Variants in SPDEF observed in about 807,000 individuals in gnomAD.
SPDEF encodes the protein SAM pointed domain-containing Ets transcription factor.
In SPDEF, 12 loss-of-function variants were observed where a neutral mutation model predicts 36.0. The ratio of observed to expected loss-of-function variants is 0.33; its 90% CI spans 0.21 to 0.54. The LOEUF (loss-of-function observed/expected upper bound fraction) is 0.54, where lower values mean the gene tolerates loss of function less well. SPDEF is among the 20% of genes least tolerant of loss of function. SPDEF has a pLI of 0.93. For synonymous variants in SPDEF, 205 were observed against 193.0 expected (o/e 1.06, Z -0.51); for missense variants, 388 against 456.9 (o/e 0.85, Z 1.37).
chr6:34,541,341 C>G (rs1002439607), intron 2 of SPDEF, among the ~76,000 whole-genome samples, 160 bp from the exon 3 acceptor site: 1 of 152,108 alleles, frequency 6.6e-6, no homozygotes, highest in African/African-American at 2.4e-5. Context: ...GAAGTGGGTA[C>G]CCAAGAAGAG....
intron 1 of SPDEF, among the ~76,000 whole-genome samples, chr6:34,546,299 T>C (rs1318220602): frequency 1.3e-5 from 2 of 152,046 alleles, no homozygotes; most frequent in Non-Finnish European, 2.9e-5. Flanking sequence ...AACTGGCCAG[T>C]TGGGGGGAAG....
At position 34,538,561 on chromosome 6, in the gene SPDEF, G is replaced by A. The variant is rs1581994387; in HGVS notation, c.830-109C>T. The A allele has an allele frequency of 3.5e-6, 4 of 1,151,230 alleles. No individual in the cohort carries two copies. The highest frequency in any genetic ancestry group is 4.9e-6 in the Non-Finnish European group (4 of 813,124). 71.3% of individuals were successfully genotyped at this position (1,151,230 alleles called of 1,614,324 possible). ...GTGGCGAACCAAGGGACCCCGTGCA[G>A]AGGCCTCCCCCTGCTCGGGTGGGGC... On this transcript the variant is annotated intron_variant, in intron 5 of 5. Coordinates refer to ENST00000374037, the MANE Select transcript of SPDEF (RefSeq NM_012391.3). This position sits in a 1 kb window ranked among gnomAD's most constrained non-coding sequence, Gnocchi z 5.9.
intron 1 of SPDEF, among the ~76,000 whole-genome samples, chr6:34,550,707 TG>T (rs1768040786): frequency 7.0e-6 from 1 of 142,564 alleles, no homozygotes; most frequent in Non-Finnish European, 1.5e-5. Flanking sequence ...GCCCAGGAGC[TG>T]GGGTCTGTTG....
chr6:34,543,082 C>G (rs1481415253), intron 2 of SPDEF, among the ~76,000 whole-genome samples: 2 of 149,246 alleles, frequency 1.3e-5, no homozygotes, highest in Admixed American at 6.8e-5. Context: ...GTCCCAGCTA[C>G]TCGGGAGGCT....
At chr6:34,542,675 G>A (rs914880571) in intron 2 of SPDEF, among the ~76,000 whole-genome samples, 1 of 151,916 alleles carries the variant, frequency 6.6e-6, no homozygotes, top group African/African-American at 2.4e-5. Flanking sequence ...GATGACCTGA[G>A]GTCAGAAGTT....
Position 34,555,012 on chromosome 6 carries a change from T to G in SPDEF, c.-30+917A>C, listed in dbSNP as rs949265158. ...CTGCTGGGCGGCCCCAGCTGATAGG[T>G]GAGGTGAGGGATCTTGGCCTGCCCC... On this transcript the variant is annotated intron_variant, in intron 1 of 5. Transcript: ENST00000374037. The surrounding 1 kb of genome is among the most constrained non-coding windows in gnomAD (Gnocchi z 5.2). Among the ~76,000 whole-genome samples the G allele has an allele frequency of 3.3e-5, 5 of 151,914 alleles. No individual in the cohort carries two copies. Among genetic ancestry groups the G allele is most frequent in the Non-Finnish European group, 5.9e-5 (4 of 67,962 alleles).
At chr6:34,541,360 G>A (rs995584633) in intron 2 of SPDEF, among the ~76,000 whole-genome samples, 179 bp from the exon 3 acceptor site, 2 of 152,150 alleles carry the variant, frequency 1.3e-5, no homozygotes, top group Non-Finnish European at 2.9e-5. Flanking sequence ...AGAGTGGGGC[G>A]AGAGGAAGGA....
In SPDEF at chr6:34,544,864, C is replaced by A. The variant is rs1767918371; in HGVS notation, c.-29-380G>T. ...GCGGATGAGCAAACTGAGGTGGGAA[C>A]AAGGGGCCCTCAGTGTCCAAATCTT... On this transcript the variant is annotated intron_variant, in intron 1 of 5. Transcript: ENST00000374037. This position sits in a 1 kb window ranked among gnomAD's most constrained non-coding sequence, Gnocchi z 4.4. Among the ~76,000 whole-genome samples the A allele has an allele frequency of 6.6e-6, 1 of 152,220 alleles. No homozygotes were observed. Among genetic ancestry groups the A allele is most frequent in the South Asian group, 2.1e-4 (1 of 4,832 alleles).
In SPDEF at chr6:34,540,849, TG is replaced by T. The variant is rs1340388876; in HGVS notation, c.634+134del. On this transcript the variant is annotated intron_variant, in intron 3 of 5. Coordinates refer to ENST00000374037, the MANE Select transcript of SPDEF (RefSeq NM_012391.3). ...CCAGGATCCAGGAGGCAGCTGAAACTGGGGCTGAGATTCAGAGTGGAGTCCA... is the reference window on the plus strand; with the variant it reads ...CCAGGATCCAGGAGGCAGCTGAAACTGGGCTGAGATTCAGAGTGGAGTCCA... 3 of 799,980 alleles carry T rather than the reference TG, an allele frequency of 3.8e-6. No homozygotes were observed. In the East Asian group the frequency reaches 8.1e-5, roughly 22 times the overall value. The allele number at this position is 799,980 out of a possible 1,614,324, so 49.6% of individuals were successfully genotyped here. A position where few individuals can be genotyped will look rare whatever the true frequency, so the allele number is the denominator to read the frequency against.
Position 34,541,110 on chromosome 6 carries a change from G to A in SPDEF, c.508C>T (p.Pro170Ser), listed in dbSNP as rs539362144. The A allele has an allele frequency of 1.2e-6, 2 of 1,610,618 alleles. No homozygotes were observed. Among genetic ancestry groups the A allele is most frequent in the Non-Finnish European group, 1.7e-6 (2 of 1,178,862 alleles). The change falls in exon 3 of 6, where the codon CCC becomes TCC. Residue 170 changes from proline to serine, a missense_variant. Transcript: ENST00000374037. ...LWTEHQYRLP[P>S]MGKAFQELAG... ...AGCTCCTGGAAGGCCTTGCCCATGG[G>A]GGGCAGCCGGTATTGGTGCTCTGTC...
chr6:34,538,440 A>G lies in SPDEF; in HGVS notation c.842T>C (p.Ile281Thr), dbSNP rs1767741724. 6 of 1,613,140 alleles carry G rather than the reference A, an allele frequency of 3.7e-6. No homozygotes were observed. The East Asian group carries it at 8.9e-5, about 24-fold the overall frequency. Residue 281 changes from isoleucine to threonine, a missense_variant, in exon 6 of 6, where the codon ATT becomes ACT. Physicochemically the swap from Ile to Thr is moderately conservative, Grantham distance 89. Around this residue, in one of 2 missense-constraint regions of SPDEF, gnomAD observed 80 missense variants for 130.8 expected, o/e 0.61. Coordinates refer to ENST00000374037, the MANE Select transcript of SPDEF (RefSeq NM_012391.3). The surrounding 1 kb of genome is among the most constrained non-coding windows in gnomAD (Gnocchi z 5.9). ...WLNKEKGIFK[I>T]EDSAQVARLW... is the part of the protein sequence containing the mutation. ...CCGGGCCACCTGGGCTGAGTCCTCA[A>G]TTTTGAAGATGCCTAGAGCAGGAGG...
chr6:34,545,489 C>A (rs3778076), intron 1 of SPDEF, among the ~76,000 whole-genome samples: 12,790 of 152,324 alleles, frequency 0.084, 625 homozygotes, highest in African/African-American at 0.14. Context: ...TTTGCCCAGG[C>A]CCTTTTCCCT....
intron 1 of SPDEF, among the ~76,000 whole-genome samples, chr6:34,554,192 G>A (rs151251990): frequency 0.012 from 1,769 of 152,212 alleles, 12 homozygotes; most frequent in Non-Finnish European, 0.017. Context: ...AACTTCCCCG[G>A]GTTATACTCA....
Position 34,539,225 on chromosome 6 carries a change from A to C in SPDEF, c.829+25T>G. On this transcript the variant is annotated intron_variant, in intron 5 of 5. Coordinates refer to ENST00000374037, the MANE Select transcript of SPDEF (RefSeq NM_012391.3). The surrounding 1 kb of genome is among the most constrained non-coding windows in gnomAD (Gnocchi z 5.2). ...CAACCTCCATGCTCACTGGCCCTGC[A>C]GCGCCCCTTGGGCACCCTGCTCACC... is the stretch of plus-strand genomic sequence containing the variant. 1.2e-6 allele frequency: 2 copies of C among 1,612,262 alleles called. No homozygotes were observed. The highest frequency in any genetic ancestry group is 1.7e-6 in the Non-Finnish European group (2 of 1,179,198).
chr6:34,554,863 C>A (rs1409916848), intron 1 of SPDEF, among the ~76,000 whole-genome samples: 8 of 152,300 alleles, frequency 5.3e-5, no homozygotes, highest in African/African-American at 1.9e-4. Context: ...TGGGGAGATG[C>A]AGCTTTATTG....
At chr6:34,551,890 G>A (rs2127294010) in intron 1 of SPDEF, among the ~76,000 whole-genome samples, 1 of 152,310 alleles carries the variant, frequency 6.6e-6, no homozygotes, top group South Asian at 2.1e-4. Context: ...ACGGGGCGGG[G>A]ACAGAACCCA....
At chr6:34,553,412 C>T (rs1428696207) in intron 1 of SPDEF, among the ~76,000 whole-genome samples, 1 of 129,008 alleles carries the variant, frequency 7.8e-6, no homozygotes, top group Non-Finnish European at 1.7e-5. Context: ...CAGGGTGGGG[C>T]ATGAACGGGG....
chr6:34,539,548 C>G lies in SPDEF; in HGVS notation c.649G>C (p.Glu217Gln). The G allele has an allele frequency of 5.1e-6, 8 of 1,572,132 alleles. No homozygotes were observed. The highest frequency in any genetic ancestry group is 6.9e-6 in the Non-Finnish European group (8 of 1,159,384). Reference sequence around the variant, plus strand: ...TGAATCGCCCCAGGTGAAGTCCGCTCTTTCATCCAGGCCGCTGCAGGGCAA... The same window carrying G: ...TGAATCGCCCCAGGTGAAGTCCGCTGTTTCATCCAGGCCGCTGCAGGGCAA... ...DIWKSAAWMK[E>Q]RTSPGAIHYC... is the part of the protein sequence containing the mutation. Residue 217 changes from glutamate (E) to glutamine (Q), a missense_variant, in exon 4 of 6, where the codon GAG becomes CAG. By Grantham distance (29) the Glu-to-Gln change is conservative. Transcript: ENST00000374037. This position sits in a 1 kb window ranked among gnomAD's most constrained non-coding sequence, Gnocchi z 5.2.
chr6:34,543,679 ATGT>A (rs1767876499), intron 2 of SPDEF, among the ~76,000 whole-genome samples: 3 of 152,112 alleles, frequency 2.0e-5, no homozygotes, highest in Admixed American at 1.3e-4. Context: ...AGCGTAGCAA[ATGT>A]TGTGGGAACA....
Sources: gnomAD v4.1 joint callset for allele counts (sites outside exome capture counted in the v4.1 genomes callset) on GRCh38, gnomAD v4.1.1 for gene constraint, gnomAD v4.1.1 regional missense constraint, Gnocchi (gnomAD v3.1) non-coding constraint, MANE v1.5 for transcripts, NCBI Gene and HGNC (gene_info 2026-07-23, HGNC 2026-07-21) for gene names.